UACA: variants seen among roughly 807,000 people sequenced by gnomAD.
The protein encoded by UACA is nuclear membrane binding protein.
In UACA, 112 loss-of-function variants were observed where a neutral mutation model predicts 160.5. The observed-to-expected ratio is 0.70, with a 90% CI of 0.60 to 0.82. The LOEUF (loss-of-function observed/expected upper bound fraction) is 0.82, where lower values mean the gene tolerates loss of function less well. Among genes scored for constraint, UACA ranks in the 40% least tolerant of loss-of-function variants. The probability of loss-of-function intolerance (pLI) is 0.00; values close to 1 mark genes in which losing one functional copy is unlikely to be tolerated. For synonymous variants in UACA, 557 were observed against 568.4 expected (o/e 0.98, Z 0.29); for missense variants, 1,574 against 1,614.6 (o/e 0.97, Z 0.43).
chr15:70,741,921 A>C (rs1270413541), intron 1 of UACA, among the ~76,000 whole-genome samples: 1 of 152,186 alleles, frequency 6.6e-6, no homozygotes, highest in Non-Finnish European at 1.5e-5. Context: ...ATTAAATGAG[A>C]TAATTTGTTC....
intron 1 of UACA, among the ~76,000 whole-genome samples, chr15:70,703,756 C>T (rs1436503654): frequency 6.6e-6 from 1 of 152,194 alleles, no homozygotes; most frequent in East Asian, 1.9e-4. Context: ...CTGCCTGCCA[C>T]CTCCCCAGCC....
intron 18 of UACA, among the ~76,000 whole-genome samples, chr15:70,658,711 A>G (rs1896570692): frequency 6.6e-6 from 1 of 152,044 alleles, no homozygotes; most frequent in Non-Finnish European, 1.5e-5. Context: ...CTCCCAACAC[A>G]CACATTTTTT....
Position 70,667,650 on chromosome 15 carries a change from G to A in UACA, c.3034C>T (p.Gln1012Ter). ...TCACTGACACTATACTTTTGTGTCT[G>A]CTCTGATAACTGGTCTTTTAGTTCT... ...EKELKDQLSE[Q>*]TQKYSVSEEE... The change falls in exon 16 of 19, where the codon CAG becomes TAG. Residue 1012 changes from glutamine to a stop codon, truncating the protein, a stop_gained. Transcript: ENST00000322954. LOFTEE classifies it high-confidence loss of function. The A allele has an allele frequency of 1.2e-6, 2 of 1,613,018 alleles. No homozygotes were observed. The highest frequency in any genetic ancestry group is 1.7e-6 in the Non-Finnish European group (2 of 1,179,970).
chr15:70,705,091 T>C (rs1257514468), intron 1 of UACA, among the ~76,000 whole-genome samples: 2 of 152,352 alleles, frequency 1.3e-5, no homozygotes, highest in East Asian at 3.9e-4. Flanking sequence ...CGCATACTCC[T>C]AAATTAGGTT....
chr15:70,754,290 C>T (rs2141014454), intron 1 of UACA: 1 of 350,022 alleles, frequency 2.9e-6, no homozygotes, highest in East Asian at 8.7e-5. Context: ...ACAAAAGCTA[C>T]ATGCATTCAG....
chr15:70,708,500 A>G (rs1898585364), intron 1 of UACA, among the ~76,000 whole-genome samples: 1 of 149,974 alleles, frequency 6.7e-6, no homozygotes, highest in Non-Finnish European at 1.5e-5. Context: ...TTGTTCTGTC[A>G]CCCAGGCTGG....
intron 17 of UACA, among the ~76,000 whole-genome samples, chr15:70,662,260 G>A (rs985056430): frequency 1.7e-4 from 26 of 152,072 alleles, no homozygotes; most frequent in African/African-American, 4.8e-4. Context: ...TCCCATTCAC[G>A]ATTGCTTCAA....
chr15:70,718,468 T>C (rs975776756), intron 1 of UACA, among the ~76,000 whole-genome samples: 2 of 151,540 alleles, frequency 1.3e-5, no homozygotes, highest in Non-Finnish European at 2.9e-5. Context: ...CAATGCATGT[T>C]ACCAAAAGCT....
intron 17 of UACA, 126 bp from the exon 18 acceptor site, chr15:70,660,342 C>A (rs373100938): frequency 1.1e-5 from 8 of 739,686 alleles, no homozygotes; most frequent in Admixed American, 2.6e-5. Flanking sequence ...CTTCTAACAA[C>A]AAACTACCTT....
At position 70,699,705 on chromosome 15, in the gene UACA, TTAAGA is replaced by T. The variant is rs1898270976; in HGVS notation, c.79-50_79-46del. 9.4e-6 allele frequency: 15 copies of T among 1,590,674 alleles called. No homozygotes were observed. In the East Asian group the frequency reaches 2.9e-4, roughly 31 times the overall value. On this transcript the variant is annotated intron_variant, in intron 1 of 18. Transcript: ENST00000322954. Reference sequence around the variant, plus strand: ...AAGTAAATATGGCATACTACATTAGTTAAGATTTTTCTAAAGAAAGAAAAAAGAGA... The same window carrying T: ...AAGTAAATATGGCATACTACATTAGTTTTTTCTAAAGAAAGAAAAAAGAGA...
At chr15:70,697,264 A>G (rs1898162421) in intron 2 of UACA, among the ~76,000 whole-genome samples, 1 of 152,228 alleles carries the variant, frequency 6.6e-6, no homozygotes, top group African/African-American at 2.4e-5. Context: ...GGCCCAGAGA[A>G]GTGCGCTTAG....
At chr15:70,712,274 T>C (rs1381174742) in intron 1 of UACA, among the ~76,000 whole-genome samples, 1 of 152,042 alleles carries the variant, frequency 6.6e-6, no homozygotes, top group Non-Finnish European at 1.5e-5. Flanking sequence ...TTGGTCCCCA[T>C]CACCAAATCC....
intron 1 of UACA, among the ~76,000 whole-genome samples, chr15:70,718,028 T>TACACACACACACACACAC (rs140483075): frequency 1.8e-3 from 262 of 142,658 alleles, no homozygotes; most frequent in African/African-American, 6.7e-3. Context: ...AATTTCTTTA[T>TACACACACACACACACAC]ACACACACAC....
In UACA at chr15:70,672,774, C is replaced by T. The variant is rs112123863; in HGVS notation, c.1132-773G>A. ...AGGAGTTCAAGACCAGCCTAGGCAA[C>T]GTGGTGAGACCTCGTCCTTACAAAA... On this transcript the variant is annotated intron_variant, in intron 13 of 18. Transcript: ENST00000322954. Among the ~76,000 whole-genome samples the T allele has an allele frequency of 7.6e-3, 1,161 of 152,192 alleles. 9 individuals are homozygous for T. Among genetic ancestry groups the T allele is most frequent in the African/African-American group, 0.021 (853 of 41,522 alleles).
At chr15:70,747,828 A>G (rs950570739) in intron 1 of UACA, among the ~76,000 whole-genome samples, 3 of 152,142 alleles carry the variant, frequency 2.0e-5, no homozygotes, top group Admixed American at 2.0e-4. Context: ...TTTAAATTGC[A>G]TCAAATTTCT....
intron 1 of UACA, among the ~76,000 whole-genome samples, chr15:70,756,759 A>G (rs1179075591): frequency 6.6e-6 from 1 of 152,088 alleles, no homozygotes; most frequent in East Asian, 2.0e-4. Flanking sequence ...TGTAATCCCA[A>G]CTACTCGGTA....
At chr15:70,752,509 T>G (rs1464593782) in intron 1 of UACA, among the ~76,000 whole-genome samples, 8 of 152,106 alleles carry the variant, frequency 5.3e-5, no homozygotes, top group African/African-American at 1.9e-4. Context: ...GTATTATATG[T>G]GTTCTTGTTC....
Position 70,763,467 on chromosome 15 carries a change from G to A in UACA, c.-60C>T. The A allele has an allele frequency of 2.4e-6, 3 of 1,267,894 alleles. No individual in the cohort carries two copies. Among genetic ancestry groups the A allele is most frequent in the Non-Finnish European group, 3.0e-6 (3 of 998,342 alleles). The allele number at this position is 1,267,894 out of a possible 1,614,324, so 78.5% of individuals were successfully genotyped here. On this transcript the variant is annotated 5_prime_UTR_variant, in exon 1 of 19. Coordinates refer to ENST00000322954, the MANE Select transcript of UACA (RefSeq NM_018003.4). ...AAGGCTGCGGAGTGCCAGCGCGCAAGGAGTAGACGGCAGCGGCTGCAGCAG... is the reference window on the plus strand; with the variant it reads ...AAGGCTGCGGAGTGCCAGCGCGCAAAGAGTAGACGGCAGCGGCTGCAGCAG...
upstream of UACA, chr15:70,763,682 C>T (rs562999041): frequency 1.4e-5 from 6 of 425,834 alleles, no homozygotes; most frequent in South Asian, 3.7e-4. Context: ...TGAGTAACAC[C>T]CTTCCTCTCC....
Sources: allele counts gnomAD v4.1 joint callset (sites outside exome capture counted in the v4.1 genomes callset), GRCh38; gene constraint gnomAD v4.1.1; transcripts MANE v1.5; gene names NCBI Gene and HGNC (gene_info 2026-07-23, HGNC 2026-07-21).